Variants in ADAMTS9 observed in about 807,000 individuals in gnomAD.
ADAMTS9 encodes the protein ADAM metallopeptidase with thrombospondin type 1 motif 9.
ADAMTS9 carries 107 observed loss-of-function variants against 257.1 expected under a neutral mutation model. The observed-to-expected ratio is 0.42, with a 90% confidence interval of 0.36 to 0.49. The LOEUF (loss-of-function observed/expected upper bound fraction) is 0.49, where lower values mean the gene tolerates loss of function less well. Ranked by LOEUF, ADAMTS9 falls within the 20% of genes least tolerant of loss-of-function variation. The probability of loss-of-function intolerance (pLI) is 0.03; values close to 1 mark genes in which losing one functional copy is unlikely to be tolerated. For synonymous variants in ADAMTS9, 982 were observed against 880.9 expected, an observed-to-expected ratio of 1.11 and a Z score of -2.03; for missense variants, 2,353 against 2,469.1, an observed-to-expected ratio of 0.95 and a Z score of 1.00.
chr3:64,519,102 T>C (rs2082818698), intron 39 of ADAMTS9, among the ~76,000 whole-genome samples: 1 of 152,156 alleles, frequency 6.6e-6, no homozygotes, highest in Non-Finnish European at 1.5e-5. Context: ...AGCAAGTTAC[T>C]TAATTGTTGT....
chr3:64,570,527 G>A (rs2063015074), intron 28 of ADAMTS9, among the ~76,000 whole-genome samples: 1 of 151,948 alleles, frequency 6.6e-6, no homozygotes, highest in African/African-American at 2.4e-5. Context: ...TAGAGCCCAA[G>A]TGGGAAAACA....
In ADAMTS9 at chr3:64,686,950, A is replaced by G. The variant is rs1175225929; in HGVS notation, c.134T>C (p.Leu45Pro). 1 of 1,613,974 alleles carries G rather than the reference A, an allele frequency of 6.2e-7. No homozygotes were observed. The highest frequency in any genetic ancestry group is 8.5e-7 in the Non-Finnish European group (1 of 1,179,846). ...HPRQVKLLET[L>P]SEYEIVSPIR... ...GGGAGACACGATTTCGTATTCGCTC[A>G]GGGTCTCTAATAATTTCACTGCGGA... is the stretch of plus-strand genomic sequence containing the variant. Residue 45 changes from leucine (L) to proline (P), a missense_variant, in exon 2 of 40, where the codon CTG becomes CCG. Transcript: ENST00000498707. This position sits in a 1 kb window ranked among gnomAD's most constrained non-coding sequence, Gnocchi z 4.6.
chr3:64,668,730 C>T (rs1410561767), intron 3 of ADAMTS9, among the ~76,000 whole-genome samples: 1 of 152,188 alleles, frequency 6.6e-6, no homozygotes. Context: ...AACGAAGTGG[C>T]TCCCAGGCCT....
chr3:64,546,171 G>A (rs1380908930), intron 32 of ADAMTS9, among the ~76,000 whole-genome samples: 2 of 151,790 alleles, frequency 1.3e-5, no homozygotes, highest in Non-Finnish European at 2.9e-5. Context: ...TATAACCTAA[G>A]TGCTTTTTAT....
chr3:64,521,971 C>T (rs1200008673), intron 39 of ADAMTS9, among the ~76,000 whole-genome samples, 195 bp downstream of exon 39: 1 of 152,102 alleles, frequency 6.6e-6, no homozygotes, highest in Non-Finnish European at 1.5e-5. Flanking sequence ...GAGGGGAAGC[C>T]ATGTCTAATG....
At chr3:64,667,616 G>T (rs1284359355) in intron 3 of ADAMTS9, among the ~76,000 whole-genome samples, 1 of 152,140 alleles carries the variant, frequency 6.6e-6, no homozygotes, top group East Asian at 1.9e-4. Context: ...AGTTAAATTT[G>T]CTGACTTGGG....
At chr3:64,613,556 T>C in intron 21 of ADAMTS9, 47 bp from the exon 22 acceptor site, 6 of 1,573,100 alleles carry the variant, frequency 3.8e-6, no homozygotes, top group Non-Finnish European at 5.2e-6. Flanking sequence ...GATCAATGTG[T>C]TGTGGTTTCT....
In ADAMTS9 at chr3:64,584,992, C is replaced by T. The variant is rs545158937; in HGVS notation, c.4356+9266G>A. On this transcript the variant is annotated intron_variant, in intron 28 of 39. Transcript: ENST00000498707. ...CCTTCTACCAGTTAGCTCTTTACTT[C>T]CATATTTCTGGGCTAATGTAATAAG... is the stretch of plus-strand genomic sequence containing the variant. 3.9e-5 allele frequency among the ~76,000 whole-genome samples: 6 copies of T among 152,228 alleles called. No individual in the cohort carries two copies. In the East Asian group the frequency reaches 7.7e-4, roughly 20 times the overall value.
intron 17 of ADAMTS9, 45 bp from the exon 18 acceptor site, chr3:64,622,372 A>C (rs766919190): frequency 8.7e-6 from 14 of 1,613,018 alleles, no homozygotes; most frequent in Non-Finnish European, 1.2e-5. Flanking sequence ...TGGGCTTAGT[A>C]ATGCCAAGCA....
rs537932037 is a variant in ADAMTS9 at position 64,657,279 on chromosome 3, A to T, written c.969+1223T>A. On this transcript the variant is annotated intron_variant, in intron 4 of 39. Coordinates refer to ENST00000498707, the MANE Select transcript of ADAMTS9 (RefSeq NM_182920.2). ...AAAAATGTGAAATATCTCATTAATA[A>T]TTTTTAAAATAATATTTGATATAAA... Among the ~76,000 whole-genome samples, 6 of 152,308 alleles carry T rather than the reference A, an allele frequency of 3.9e-5. No individual in the cohort carries two copies. In the South Asian group the frequency reaches 1.2e-3, roughly 32 times the overall value.
chr3:64,642,075 A>G, intron 11 of ADAMTS9, 82 bp from the exon 12 acceptor site: 1 of 1,474,158 alleles, frequency 6.8e-7, no homozygotes, highest in Non-Finnish European at 9.3e-7. Flanking sequence ...AACACACCAT[A>G]CTGTAATTCT....
At chr3:64,658,050 T>C (rs2106967893) in intron 4 of ADAMTS9, among the ~76,000 whole-genome samples, 1 of 152,246 alleles carries the variant, frequency 6.6e-6, no homozygotes, top group South Asian at 2.1e-4. Context: ...TACTACTGAA[T>C]ATCCACAACT....
chr3:64,661,550 G>T (rs1025619517), intron 3 of ADAMTS9, among the ~76,000 whole-genome samples: 1 of 152,156 alleles, frequency 6.6e-6, no homozygotes, highest in African/African-American at 2.4e-5. Context: ...GGAGGTACAA[G>T]GAATCAGTCG....
At chr3:64,658,166 C>T (rs893967263) in intron 4 of ADAMTS9, among the ~76,000 whole-genome samples, 5 of 152,154 alleles carry the variant, frequency 3.3e-5, no homozygotes, top group Non-Finnish European at 7.3e-5. Context: ...TTTACCTGAC[C>T]ATGGGCAAGT....
At chr3:64,541,265 A>C (rs2083118249) in intron 35 of ADAMTS9, 37 bp from the exon 36 acceptor site, 1 of 1,613,936 alleles carries the variant, frequency 6.2e-7, no homozygotes, top group Admixed American at 1.7e-5. Context: ...AAGGATGGGA[A>C]AGCATTTCCA....
chr3:64,520,427 TAGA>T (rs1479897869), intron 39 of ADAMTS9, among the ~76,000 whole-genome samples: 2 of 152,196 alleles, frequency 1.3e-5, no homozygotes, highest in African/African-American at 4.8e-5. Flanking sequence ...TTTACAGTGT[TAGA>T]AGAAGAACTA....
intron 30 of ADAMTS9, among the ~76,000 whole-genome samples, chr3:64,560,947 C>T (rs2083410413): frequency 6.6e-6 from 1 of 152,150 alleles, no homozygotes; most frequent in Non-Finnish European, 1.5e-5. Flanking sequence ...CCTGGCCAAA[C>T]TTTTCCCCAT....
Position 64,603,965 on chromosome 3 carries a change from G to T in ADAMTS9, c.3704C>A (p.Ser1235Tyr). Residue 1235 changes from serine (S) to tyrosine (Y), a missense_variant, in exon 25 of 40, where the codon TCT becomes TAT. This residue lies in a region of ADAMTS9 where 1,402 missense variants were observed against 1,441.4 expected (regional missense o/e 0.97). Coordinates refer to ENST00000498707, the MANE Select transcript of ADAMTS9 (RefSeq NM_182920.2). ...CTTCCATTGCCCACAGGGTGTCACA[G>T]AACATTCTTCCTTTGCCACTGGTCT... The part of the protein sequence containing the change: ...LPRPVAKEEC[S>Y]VTPCGQWKAL... The T allele has an allele frequency of 6.2e-7, 1 of 1,613,992 alleles. No individual in the cohort carries two copies. Among genetic ancestry groups the T allele is most frequent in the South Asian group, 1.1e-5 (1 of 91,068 alleles).
At chr3:64,527,577 A>T (rs1470152644) in intron 38 of ADAMTS9, among the ~76,000 whole-genome samples, 2 of 152,104 alleles carry the variant, frequency 1.3e-5, no homozygotes, top group Non-Finnish European at 2.9e-5. Flanking sequence ...TGGGGCTAAA[A>T]TCTGCCTGGG....
Sources: gnomAD v4.1 joint callset for allele counts (sites outside exome capture counted in the v4.1 genomes callset) on GRCh38, gnomAD v4.1.1 for gene constraint, gnomAD v4.1.1 regional missense constraint, Gnocchi (gnomAD v3.1) non-coding constraint, MANE v1.5 for transcripts, NCBI Gene and HGNC (gene_info 2026-07-23, HGNC 2026-07-21) for gene names.